The following PPP2R2C variants were observed in gnomAD, a reference collection of about 807,000 sequenced individuals.
PPP2R2C encodes the protein protein phosphatase 2 regulatory subunit Bgamma, also known as protein phosphatase 2, regulatory subunit B, gamma.
PPP2R2C carries 10 observed loss-of-function variants against 45.3 expected under a neutral mutation model. The observed-to-expected ratio is 0.22, with a 90% CI of 0.14 to 0.37. The LOEUF (loss-of-function observed/expected upper bound fraction) is 0.37, where lower values mean the gene tolerates loss of function less well. Among genes scored for constraint, PPP2R2C ranks in the 10% least tolerant of loss-of-function variants. The probability of loss-of-function intolerance (pLI) is 1.00; values close to 1 mark genes in which losing one functional copy is unlikely to be tolerated. For missense variants in PPP2R2C, 308 were observed against 619.7 expected (o/e 0.50, Z 5.34); for synonymous variants, 257 against 245.4 (o/e 1.05, Z -0.44).
At chr4:6,552,913 ACACATGCCCCAGTTCCAATGGCCTC>A (rs1424921931) in intron 1 of PPP2R2C, among the ~76,000 whole-genome samples, 1 of 152,212 alleles carries the variant, frequency 6.6e-6, no homozygotes, top group Non-Finnish European at 1.5e-5. Flanking sequence ...GAATGGCCAC[ACACATGCCCCAGTTCCAATGGCCTC>A]CATAGATGTT....
rs1560572296 is a variant in PPP2R2C, at chr4:6,471,012, C to T, written c.70+1148G>A. ...GCCTCCGCGGGGCTCCGGCTCCGCT[C>T]GGCCTCATTTCCGGCAGAGCCAGGC... is the stretch of plus-strand genomic sequence containing the variant. On this transcript the variant is annotated intron_variant, in intron 1 of 8. Coordinates refer to ENST00000382599, the MANE Select transcript of PPP2R2C (RefSeq NM_020416.4). The surrounding 1 kb of genome is among the most constrained non-coding windows in gnomAD (Gnocchi z 5.6). 6.6e-6 allele frequency among the ~76,000 whole-genome samples: 1 copy of T among 151,944 alleles called. No individual in the cohort carries two copies. Among genetic ancestry groups the T allele is most frequent in the Non-Finnish European group, 1.5e-5 (1 of 67,940 alleles).
At chr4:6,390,925 C>T (rs1225126852) in intron 1 of PPP2R2C, among the ~76,000 whole-genome samples, 2 of 152,186 alleles carry the variant, frequency 1.3e-5, no homozygotes, top group African/African-American at 4.8e-5. Flanking sequence ...ACGTTTCCTC[C>T]TGCAGCCTGA....
At chr4:6,411,601 G>A (rs1015943240) in intron 1 of PPP2R2C, among the ~76,000 whole-genome samples, 11 of 146,598 alleles carry the variant, frequency 7.5e-5, no homozygotes, top group African/African-American at 2.8e-4. Flanking sequence ...GGCCCAGGCT[G>A]GAGTGCAGTG....
chr4:6,372,085 C>T (rs1274079167), intron 5 of PPP2R2C, among the ~76,000 whole-genome samples: 6 of 152,228 alleles, frequency 3.9e-5, no homozygotes, highest in African/African-American at 9.6e-5. Flanking sequence ...GGTTGTCACC[C>T]GAAGCCCTGG....
Position 6,366,375 on chromosome 4 carries a change from T to A in PPP2R2C, c.625+6148A>T, listed in dbSNP as rs963579586. ...AGGCGCCCAGATCAAAAAGGAGGTGTCTGTATCCTAAGACCACATGGAAGT... is the reference window on the plus strand; with the variant it reads ...AGGCGCCCAGATCAAAAAGGAGGTGACTGTATCCTAAGACCACATGGAAGT... On this transcript the variant is annotated intron_variant, in intron 5 of 8. Transcript: ENST00000382599. Among the ~76,000 whole-genome samples, 11 of 152,266 alleles carry A rather than the reference T, an allele frequency of 7.2e-5. No homozygotes were observed. The South Asian group carries it at 2.3e-3, about 32-fold the overall frequency.
intron 1 of PPP2R2C, among the ~76,000 whole-genome samples, chr4:6,465,286 T>A (rs1577203852): frequency 6.6e-6 from 1 of 152,106 alleles, no homozygotes; most frequent in East Asian, 1.9e-4. Flanking sequence ...TGTTGGCCTC[T>A]CCCCTGTAGA....
intron 6 of PPP2R2C, among the ~76,000 whole-genome samples, chr4:6,335,822 C>A (rs985302412): frequency 1.3e-5 from 2 of 152,036 alleles, no homozygotes; most frequent in Non-Finnish European, 2.9e-5. Flanking sequence ...GGTATCCCCC[C>A]AAATCAGAGC....
intron 5 of PPP2R2C, chr4:6,350,008 G>A (rs952016695): frequency 1.8e-5 from 18 of 985,360 alleles, no homozygotes; most frequent in Middle Eastern, 5.2e-4. Context: ...CTCTGTGCTC[G>A]TGCTCAAATC....
In PPP2R2C at chr4:6,538,441, G is replaced by A. The variant is rs1401905690; in HGVS notation, c.-58-3064C>T. ...CGACGCAAGCGTTTCAGAGCAAAAC[G>A]GAAACATACAAGGATGATTTAACAA... On this transcript the variant is annotated intron_variant, in intron 1 of 9. Coordinates refer to the PPP2R2C transcript ENST00000506140. 3.3e-5 allele frequency among the ~76,000 whole-genome samples: 5 copies of A among 152,110 alleles called. No homozygotes were observed. In the South Asian group the frequency reaches 6.2e-4, roughly 19 times the overall value.
intron 1 of PPP2R2C, among the ~76,000 whole-genome samples, chr4:6,428,780 G>T (rs1200439579): frequency 6.6e-6 from 1 of 152,256 alleles, no homozygotes; most frequent in Non-Finnish European, 1.5e-5. Context: ...AAACTGGGCA[G>T]TATTTGGCTG....
At chr4:6,448,759 C>T (rs1720570241) in intron 1 of PPP2R2C, among the ~76,000 whole-genome samples, 1 of 152,196 alleles carries the variant, frequency 6.6e-6, no homozygotes, top group African/African-American at 2.4e-5. Flanking sequence ...TCACCTGTGC[C>T]TGGCTGTCCT....
At chr4:6,512,479 G>GTGA (rs1723661148) in intron 2 of PPP2R2C, among the ~76,000 whole-genome samples, 1 of 122,680 alleles carries the variant, frequency 8.2e-6, no homozygotes, top group East Asian at 3.0e-4. Flanking sequence ...GGTGGTAGTG[G>GTGA]TGGTGATGGT....
At chr4:6,529,254 C>A (rs1260941631) in intron 2 of PPP2R2C, among the ~76,000 whole-genome samples, 1 of 152,262 alleles carries the variant, frequency 6.6e-6, no homozygotes, top group African/African-American at 2.4e-5. Context: ...GCTCCCACTT[C>A]AGGCTCTGGG....
rs1351812902 is a variant in PPP2R2C at position 6,384,319 on chromosome 4, A to G, written c.71-3225T>C. On this transcript the variant is annotated intron_variant, in intron 1 of 8. Transcript: ENST00000382599. ...CTTGTAATGATCTACATCAGTGATT[A>G]TAGCCATGTGAAATAAGCAAAGAAA... The G allele has an allele frequency of 3.0e-6, 3 of 985,466 alleles. No homozygotes were observed. In the East Asian group the frequency reaches 3.4e-4, roughly 112 times the overall value. The allele number at this position is 985,466 out of a possible 1,614,324, so 61.0% of individuals were successfully genotyped here.
intron 2 of PPP2R2C, among the ~76,000 whole-genome samples, chr4:6,520,720 C>T (rs1723992054): frequency 6.6e-6 from 1 of 152,240 alleles, no homozygotes; most frequent in Non-Finnish European, 1.5e-5. Flanking sequence ...GAGCACTGAG[C>T]TTGGAGCCTG....
At position 6,323,028 on chromosome 4, in the gene PPP2R2C, A is replaced by G. The variant is rs146991409; in HGVS notation, c.*274T>C. ...GAATGAAAGAACCCTGAACTGTAAG[A>G]CTCCACAGTCATGTCCATTTTATGA... On this transcript the variant is annotated 3_prime_UTR_variant, in exon 9 of 9. Coordinates refer to ENST00000382599, the MANE Select transcript of PPP2R2C (RefSeq NM_020416.4). The G allele has an allele frequency of 2.2e-5, 8 of 358,736 alleles. No homozygotes were observed. Among genetic ancestry groups the G allele is most frequent in the African/African-American group, 1.7e-4 (8 of 48,422 alleles). The allele number at this position is 358,736 out of a possible 1,614,324, so 22.2% of individuals were successfully genotyped here.
chr4:6,337,161 T>TATATATATATATATATA (rs1560454834), intron 6 of PPP2R2C, among the ~76,000 whole-genome samples: 5 of 113,670 alleles, frequency 4.4e-5, no homozygotes, highest in African/African-American at 6.7e-5. Flanking sequence ...TATATATATA[T>TATATATATATATATATA]TTGTAGTTTT....
rs80069074 is a variant in PPP2R2C, at chr4:6,345,650, C to T, written c.790+2196G>A. ...TAGAAGCCAGAAGAGGCAGGGAAAA[C>T]GGTGCTCCCCAGAGCCTCCCGAAGG... On this transcript the variant is annotated intron_variant, in intron 6 of 8. Transcript: ENST00000382599. The surrounding 1 kb of genome is among the most constrained non-coding windows in gnomAD (Gnocchi z 5.3). Among the ~76,000 whole-genome samples, 897 of 152,268 alleles carry T rather than the reference C, an allele frequency of 5.9e-3. 8 individuals are homozygous for T. Among genetic ancestry groups the T allele is most frequent in the African/African-American group, 0.017 (718 of 41,550 alleles).
At chr4:6,411,834 G>A (rs562090637) in intron 1 of PPP2R2C, among the ~76,000 whole-genome samples, 3 of 151,714 alleles carry the variant, frequency 2.0e-5, no homozygotes, top group Admixed American at 6.6e-5. Flanking sequence ...TTATAGGCAT[G>A]AGCCACCGCG....
Sources: gnomAD v4.1 joint callset for allele counts (sites outside exome capture counted in the v4.1 genomes callset) on GRCh38, gnomAD v4.1.1 for gene constraint, Gnocchi (gnomAD v3.1) non-coding constraint, MANE v1.5 for transcripts, NCBI Gene and HGNC (gene_info 2026-07-23, HGNC 2026-07-21) for gene names.